The following RNLS variants were observed in gnomAD, a reference collection of about 807,000 sequenced individuals.
RNLS encodes renalase.
RNLS carries 39 observed loss-of-function variants against 39.8 expected under a neutral mutation model. The ratio of observed to expected loss-of-function variants is 0.98; its 90% CI spans 0.76 to 1.28. The LOEUF (loss-of-function observed/expected upper bound fraction) is 1.28. RNLS is among the 50% of genes most tolerant of loss of function. The pLI, the probability that RNLS is intolerant of heterozygous loss-of-function variation, is 0.00. For missense variants in RNLS, 410 were observed against 413.3 expected, an observed-to-expected ratio of 0.99 and a Z score of 0.07; for synonymous variants, 147 against 150.7, an observed-to-expected ratio of 0.98 and a Z score of 0.18.
chr10:88,175,430 T>G, the RNLS span, among the ~76,000 whole-genome samples: 4 of 152,176 alleles, frequency 2.6e-5, no homozygotes, highest in Non-Finnish European at 5.9e-5. Context: ...CCTCAGGTTT[T>G]GGTGTGTTAT....
the RNLS span, among the ~76,000 whole-genome samples, chr10:88,198,229 C>T: frequency 2.0e-5 from 3 of 152,302 alleles, no homozygotes; most frequent in Admixed American, 1.3e-4. Flanking sequence ...AGAATCCATA[C>T]AGCCACCAAC....
intron 5 of RNLS, among the ~76,000 whole-genome samples, chr10:88,333,937 C>T (rs1057228689): frequency 6.6e-6 from 1 of 152,162 alleles, no homozygotes; most frequent in Non-Finnish European, 1.5e-5. Flanking sequence ...CTACCAGTAT[C>T]TTGATCTTGA....
At chr10:88,494,960 A>G (rs985832580) in intron 4 of RNLS, among the ~76,000 whole-genome samples, 2 of 152,144 alleles carry the variant, frequency 1.3e-5, no homozygotes, top group African/African-American at 4.8e-5. Flanking sequence ...TATGTCTGAA[A>G]AAGTCCAGGC....
the RNLS span, among the ~76,000 whole-genome samples, chr10:88,218,962 C>A: frequency 6.6e-6 from 1 of 152,164 alleles, no homozygotes; most frequent in Non-Finnish European, 1.5e-5. Context: ...CCTGCCCTAT[C>A]CAGACATCCC....
intron 5 of RNLS, among the ~76,000 whole-genome samples, chr10:88,350,933 G>A (rs1427739318): frequency 6.6e-6 from 1 of 152,162 alleles, no homozygotes; most frequent in Non-Finnish European, 1.5e-5. Context: ...TCTAACTGGT[G>A]TGAGATGATA....
chr10:88,576,079 C>G (rs1020595571), intron 3 of RNLS, among the ~76,000 whole-genome samples: 1 of 152,182 alleles, frequency 6.6e-6, no homozygotes, highest in African/African-American at 2.4e-5. Context: ...CTCAGGGATG[C>G]TTTCCCTAAC....
intron 5 of RNLS, among the ~76,000 whole-genome samples, chr10:88,323,353 G>A (rs1360340202): frequency 6.6e-6 from 1 of 151,992 alleles, no homozygotes; most frequent in Non-Finnish European, 1.5e-5. Flanking sequence ...CAAACTCAAA[G>A]TATACTACAA....
At chr10:88,504,678 C>T (rs957348299) in intron 4 of RNLS, among the ~76,000 whole-genome samples, 1 of 152,032 alleles carries the variant, frequency 6.6e-6, no homozygotes, top group African/African-American at 2.4e-5. Flanking sequence ...TAAAGGAACT[C>T]TTGCATTCAG....
chr10:88,388,383 A>G (rs970338172), intron 4 of RNLS, among the ~76,000 whole-genome samples: 3 of 152,116 alleles, frequency 2.0e-5, no homozygotes, highest in African/African-American at 7.2e-5. Context: ...CTTGAAATCC[A>G]TTCTCTGGAC....
chr10:88,545,120 C>T (rs1407982036), intron 4 of RNLS, among the ~76,000 whole-genome samples: 1 of 152,116 alleles, frequency 6.6e-6, no homozygotes, highest in African/African-American at 2.4e-5. Context: ...AAGCCCCCTT[C>T]TTAGCTGGAG....
At chr10:88,379,663 G>C (rs1361668309) in intron 4 of RNLS, among the ~76,000 whole-genome samples, 1 of 152,138 alleles carries the variant, frequency 6.6e-6, no homozygotes, top group Non-Finnish European at 1.5e-5. Flanking sequence ...CTATCAAGAG[G>C]TAGGGTCTAT....
rs572494778 is a variant in RNLS, at chr10:88,566,749, T to G, written c.526+6154A>C. On this transcript the variant is annotated intron_variant, in intron 4 of 6. Coordinates refer to ENST00000331772, the MANE Select transcript of RNLS (RefSeq NM_001031709.3). The stretch of plus-strand genomic sequence containing the variant: ...CAGAAGCTTTGAGAGGGAGATACTT[T>G]AAGCTTTTGTAGATACTCTGAGATC... Among the ~76,000 whole-genome samples the G allele has an allele frequency of 2.2e-4, 33 of 152,296 alleles. 1 individual carries two copies. Among genetic ancestry groups the G allele is most frequent in the East Asian group, 1.7e-3 (9 of 5,192 alleles).
chr10:88,526,835 A>G (rs1313270479), intron 4 of RNLS, among the ~76,000 whole-genome samples: 1 of 151,966 alleles, frequency 6.6e-6, no homozygotes, highest in African/African-American at 2.4e-5. Flanking sequence ...AGAAAGCTCA[A>G]TTCTAAGTTT....
At chr10:88,543,906 T>A (rs1848168226) in intron 4 of RNLS, among the ~76,000 whole-genome samples, 1 of 152,194 alleles carries the variant, frequency 6.6e-6, no homozygotes, top group South Asian at 2.1e-4. Context: ...CTTAGTAATC[T>A]GACTACAGAG....
chr10:88,389,762 T>C (rs765026297), intron 4 of RNLS, among the ~76,000 whole-genome samples: 1 of 152,206 alleles, frequency 6.6e-6, no homozygotes, highest in Non-Finnish European at 1.5e-5. Context: ...AGCAGGGTAC[T>C]CTTGCTATTG....
intron 4 of RNLS, among the ~76,000 whole-genome samples, chr10:88,530,526 T>C (rs1404107939): frequency 6.6e-6 from 1 of 152,216 alleles, no homozygotes; most frequent in Non-Finnish European, 1.5e-5. Context: ...AACTACTCGT[T>C]CAACATATGT....
At chr10:88,539,192 G>A (rs988855474) in intron 4 of RNLS, among the ~76,000 whole-genome samples, 1 of 152,150 alleles carries the variant, frequency 6.6e-6, no homozygotes, top group Non-Finnish European at 1.5e-5. Flanking sequence ...AACTAGGCAA[G>A]TCTACATTGT....
chr10:88,410,788 C>T (rs969729576), intron 4 of RNLS, among the ~76,000 whole-genome samples: 28 of 152,242 alleles, frequency 1.8e-4, no homozygotes, highest in Non-Finnish European at 3.8e-4. Context: ...CCCGCTTACA[C>T]TGTTGTTATT....
intron 4 of RNLS, among the ~76,000 whole-genome samples, chr10:88,439,911 ATCT>A (rs1841617785): frequency 6.6e-6 from 1 of 152,118 alleles, no homozygotes; most frequent in Admixed American, 6.5e-5. Context: ...CCTGTCTGAA[ATCT>A]TCTCCAATTC....
Sources: allele counts gnomAD v4.1 joint callset (sites outside exome capture counted in the v4.1 genomes callset), GRCh38; gene constraint gnomAD v4.1.1; transcripts MANE v1.5; gene names NCBI Gene and HGNC (gene_info 2026-07-23, HGNC 2026-07-21).